CUX1: variants seen among roughly 807,000 people sequenced by gnomAD.
CUX1 encodes the protein cut like homeobox 1, also known as protein CASP.
CUX1 carries 31 observed loss-of-function variants against 158.8 expected under a neutral mutation model. That is an observed-to-expected ratio of 0.20 (90% CI 0.15 to 0.26). CUX1 has a LOEUF of 0.26. Among genes scored for constraint, CUX1 ranks in the 10% least tolerant of loss-of-function variants. The pLI, the probability that CUX1 is intolerant of heterozygous loss-of-function variation, is 1.00. For synonymous variants in CUX1, 879 were observed against 862.1 expected (o/e 1.02, Z -0.34); for missense variants, 1,589 against 2,014.6 (o/e 0.79, Z 4.04).
At chr7:102,160,043 C>T (rs782447089) in intron 9 of CUX1, among the ~76,000 whole-genome samples, 1 of 149,604 alleles carries the variant, frequency 6.7e-6, no homozygotes, top group Admixed American at 6.7e-5. Flanking sequence ...TAGCCGGGTG[C>T]GGTGACATGC....
At chr7:101,958,509 C>T (rs1406702576) in intron 2 of CUX1, among the ~76,000 whole-genome samples, 63 of 118,462 alleles carry the variant, frequency 5.3e-4, no homozygotes, top group African/African-American at 2.0e-3. Flanking sequence ...GAGGCGGAGT[C>T]TCACTCTGTT....
At position 102,064,872 on chromosome 7, in the gene CUX1, C is replaced by T. The variant is rs372182374; in HGVS notation, c.190-5467C>T. ...CTCAGAACAGCCCAGGAACCCAGCT[C>T]GAGGTCTGGAGGAAGTGATGTGTGC... On this transcript the variant is annotated intron_variant, in intron 3 of 23. Coordinates refer to ENST00000292535, the MANE Select transcript of CUX1 (RefSeq NM_181552.4). 1.2e-4 allele frequency among the ~76,000 whole-genome samples: 18 copies of T among 152,170 alleles called. 1 individual carries two copies. In the East Asian group the frequency reaches 2.3e-3, roughly 20 times the overall value.
chr7:102,159,503 C>T (rs1268063315), intron 9 of CUX1, among the ~76,000 whole-genome samples: 1 of 152,228 alleles, frequency 6.6e-6, no homozygotes, highest in Non-Finnish European at 1.5e-5. Context: ...CCTTCCTCCC[C>T]CCAGGAGCCC....
At chr7:101,895,952 C>A (rs1199966757) in intron 1 of CUX1, among the ~76,000 whole-genome samples, 1 of 131,558 alleles carries the variant, frequency 7.6e-6, no homozygotes, top group Non-Finnish European at 1.5e-5. Flanking sequence ...CTCTGTCATG[C>A]AGGCTGGAGT....
downstream of CUX1, among the ~76,000 whole-genome samples, chr7:102,258,573 A>G (rs1223395624): frequency 2.0e-5 from 3 of 152,156 alleles, no homozygotes; most frequent in Admixed American, 6.5e-5. Flanking sequence ...TTTCTGTAAA[A>G]TGGAGACACC....
At chr7:101,955,981 G>C (rs1809723568) in intron 2 of CUX1, among the ~76,000 whole-genome samples, 1 of 151,780 alleles carries the variant, frequency 6.6e-6, no homozygotes, top group African/African-American at 2.4e-5. Flanking sequence ...CAGGGGATGA[G>C]ACCATCCTGG....
At chr7:102,194,267 G>GTTAC in intron 13 of CUX1, 1 of 218,494 alleles carries the variant, frequency 4.6e-6, no homozygotes. Context: ...TTTCACTTCA[G>GTTAC]CAGGTACTAA....
chr7:102,158,563 C>T lies in CUX1; in HGVS notation c.678C>T (p.Ala226=), dbSNP rs782531693. The stretch of plus-strand genomic sequence containing the variant: ...TCTCTCCCTCTCACCCTCCTAGGGC[C>T]GACGAGATTGAAATGATCATGACGG... ...TKYDEETTAK[A]DEIEMIMTDL... The change falls in exon 9 of 24, where the codon GCC becomes GCT. Residue 226 remains alanine, a synonymous_variant. Coordinates refer to ENST00000292535, the MANE Select transcript of CUX1 (RefSeq NM_181552.4). 3 of 1,613,900 alleles carry T rather than the reference C, an allele frequency of 1.9e-6. No individual in the cohort carries two copies. Among genetic ancestry groups the T allele is most frequent in the Non-Finnish European group, 2.5e-6 (3 of 1,180,002 alleles).
chr7:101,839,742 G>A (rs904329957), intron 1 of CUX1, among the ~76,000 whole-genome samples: 29 of 151,474 alleles, frequency 1.9e-4, no homozygotes, highest in Admixed American at 6.6e-4. Flanking sequence ...TTTCACATGC[G>A]AATAATTTGT....
Position 101,839,764 on chromosome 7 carries a change from C to CT in CUX1, c.30+22103dup, listed in dbSNP as rs575558590. 4.1e-3 allele frequency among the ~76,000 whole-genome samples: 611 copies of CT among 150,650 alleles called. 2 individuals carry two copies. Among genetic ancestry groups the CT allele is most frequent in the Non-Finnish European group, 7.3e-3 (492 of 67,640 alleles). ...TGCGAATAATTTGTCAATTTTCTTTCTTTTTTTTGTTTTTTGAGACAGAGT... is the reference window on the plus strand; with the variant it reads ...TGCGAATAATTTGTCAATTTTCTTTCTTTTTTTTTGTTTTTTGAGACAGAGT... On this transcript the variant is annotated intron_variant, in intron 1 of 23. Coordinates refer to ENST00000292535, the MANE Select transcript of CUX1 (RefSeq NM_181552.4).
intron 2 of CUX1, among the ~76,000 whole-genome samples, chr7:101,954,394 A>G (rs983286550): frequency 6.6e-6 from 1 of 152,228 alleles, no homozygotes; most frequent in Non-Finnish European, 1.5e-5. Flanking sequence ...AATAAATGTT[A>G]GCCACTGTGA....
At position 102,129,472 on chromosome 7, in the gene CUX1, T is replaced by C. The variant is rs1385598503; in HGVS notation, c.674+14199T>C. Among the ~76,000 whole-genome samples, 8 of 152,144 alleles carry C rather than the reference T, an allele frequency of 5.3e-5. No individual in the cohort carries two copies. In the East Asian group the frequency reaches 1.4e-3, roughly 26 times the overall value. On this transcript the variant is annotated intron_variant, in intron 8 of 23. Coordinates refer to ENST00000292535, the MANE Select transcript of CUX1 (RefSeq NM_181552.4). The stretch of plus-strand genomic sequence containing the variant: ...GCCAAGATGGGCAGATCACTTGAGG[T>C]CAGGAGTTCGAGACCAGCCTGGCCA...
intron 2 of CUX1, among the ~76,000 whole-genome samples, chr7:101,972,096 C>T (rs1182765145): frequency 6.6e-6 from 1 of 152,102 alleles, no homozygotes; most frequent in Non-Finnish European, 1.5e-5. Context: ...CCTCCCAAGA[C>T]GCTGGGACTA....
intron 2 of CUX1, among the ~76,000 whole-genome samples, chr7:101,991,706 CT>C (rs1314816523): frequency 2.3e-4 from 34 of 150,270 alleles, no homozygotes; most frequent in Admixed American, 1.6e-3. Flanking sequence ...TTGCAGTGAG[CT>C]GAGATCGCGC....
chr7:101,911,684 C>T (rs766808103), intron 1 of CUX1, among the ~76,000 whole-genome samples: 1 of 152,266 alleles, frequency 6.6e-6, no homozygotes, highest in Non-Finnish European at 1.5e-5. Flanking sequence ...CTCTTCTGTG[C>T]AAGGGTGGGG....
intron 1 of CUX1, among the ~76,000 whole-genome samples, chr7:101,844,625 T>C (rs1795499823): frequency 6.6e-6 from 1 of 152,304 alleles, no homozygotes; most frequent in East Asian, 1.9e-4. Flanking sequence ...TTTTTCTTTT[T>C]GTTTTTCCGA....
chr7:101,995,105 G>C (rs1185299796), intron 2 of CUX1, among the ~76,000 whole-genome samples: 1 of 152,100 alleles, frequency 6.6e-6, no homozygotes, highest in Non-Finnish European at 1.5e-5. Context: ...AAAATTAAAA[G>C]AGAGAGAGAA....
intron 5 of CUX1, among the ~76,000 whole-genome samples, chr7:102,101,121 A>ACCTC (rs1554486211): frequency 1.3e-5 from 2 of 151,912 alleles, no homozygotes; most frequent in African/African-American, 4.8e-5. Context: ...TGACCCAGAC[A>ACCTC]CCTCCCACTT....
At chr7:102,214,672 C>T (rs533570789) in intron 20 of CUX1, among the ~76,000 whole-genome samples, 12 of 152,380 alleles carry the variant, frequency 7.9e-5, no homozygotes, top group African/African-American at 2.6e-4. Flanking sequence ...GGAGCCATGC[C>T]GACACCCAGG....
Sources: allele counts gnomAD v4.1 joint callset (sites outside exome capture counted in the v4.1 genomes callset), GRCh38; gene constraint gnomAD v4.1.1; transcripts MANE v1.5; gene names NCBI Gene and HGNC (gene_info 2026-07-23, HGNC 2026-07-21).